Variants in CDC25C observed in about 807,000 individuals in gnomAD.
The protein encoded by CDC25C is cell division cycle 25C, also known as M-phase inducer phosphatase 3.
In CDC25C, 48 loss-of-function variants were observed where a neutral mutation model predicts 52.5. The ratio of observed to expected loss-of-function variants is 0.91; its 90% confidence interval spans 0.72 to 1.16. CDC25C has a LOEUF of 1.16. Among genes scored for constraint, CDC25C ranks in the 50% most tolerant of loss-of-function variants. The pLI, the probability that CDC25C is intolerant of heterozygous loss-of-function variation, is 0.00. For missense variants in CDC25C, 510 were observed against 566.1 expected, an observed-to-expected ratio of 0.90 and a Z score of 1.01; for synonymous variants, 187 against 206.5, an observed-to-expected ratio of 0.91 and a Z score of 0.81.
At chr5:138,329,726 C>CTTTTTTTTTT (rs71574413) in intron 2 of CDC25C, 79 bp from the exon 3 acceptor site, 2 of 293,696 alleles carry the variant, frequency 6.8e-6, no homozygotes, top group African/African-American at 3.6e-5. Context: ...TCATCCTCTT[C>CTTTTTTTTTT]TTTTTTTTTT....
chr5:138,287,370 T>A, intron 10 of CDC25C, 103 bp from the exon 11 acceptor site: 1 of 718,200 alleles, frequency 1.4e-6, no homozygotes, highest in Non-Finnish European at 2.4e-6. Flanking sequence ...CTGTCCACTG[T>A]ATGTCCAGCC....
In CDC25C at chr5:138,285,572, G is replaced by A; in HGVS notation, c.*120C>T. On this transcript the variant is annotated 3_prime_UTR_variant, in exon 14 of 14. Transcript: ENST00000323760. ...AGGCCTGGATACAAGTTGGTAGCCT[G>A]TTGGTTTGCAGAGACATCTTTTAAT... 2 of 912,070 alleles carry A rather than the reference G, an allele frequency of 2.2e-6. No individual in the cohort carries two copies. The highest frequency in any genetic ancestry group is 2.4e-5 in the East Asian group (1 of 41,550). 56.5% of individuals were successfully genotyped at this position (912,070 alleles called of 1,614,324 possible). A position where few individuals can be genotyped will look rare whatever the true frequency, so the allele number is the denominator to read the frequency against.
At chr5:138,314,300 C>CT (rs570387449) in intron 7 of CDC25C, among the ~76,000 whole-genome samples, 2,403 of 138,140 alleles carry the variant, frequency 0.017, 50 homozygotes, top group African/African-American at 0.049. Flanking sequence ...TTCATAGCAC[C>CT]TTTTTTTTTT....
chr5:138,324,228 G>A (rs191877662), intron 6 of CDC25C, among the ~76,000 whole-genome samples: 12 of 150,310 alleles, frequency 8.0e-5, no homozygotes, highest in East Asian at 7.9e-4. Flanking sequence ...CTGAGACTGC[G>A]CCACTGCACT....
At chr5:138,334,512 T>C (rs1760592462), upstream of CDC25C, among the ~76,000 whole-genome samples, 2 of 151,952 alleles carry the variant, frequency 1.3e-5, no homozygotes, top group African/African-American at 4.8e-5. Context: ...CCACCACACC[T>C]GGCTAATTTT....
At chr5:138,290,877 C>T in intron 8 of CDC25C, 137 bp from the exon 9 acceptor site, 1 of 593,714 alleles carries the variant, frequency 1.7e-6, no homozygotes, top group East Asian at 3.0e-5. Flanking sequence ...ATCACTTGAG[C>T]CCAGGAGGCC....
intron 6 of CDC25C, among the ~76,000 whole-genome samples, chr5:138,320,206 GAGGC>G (rs1759249272): frequency 1.3e-5 from 2 of 152,116 alleles, no homozygotes; most frequent in Admixed American, 1.3e-4. Context: ...TTGGGAGGCT[GAGGC>G]AGGAGAACTG....
intron 4 of CDC25C, 32 bp from the exon 5 acceptor site, chr5:138,326,086 A>G: frequency 1.2e-6 from 2 of 1,612,380 alleles, no homozygotes; most frequent in Non-Finnish European, 1.7e-6. Context: ...CTGTCAGGTT[A>G]GTCCCAAATA....
intron 7 of CDC25C, among the ~76,000 whole-genome samples, chr5:138,306,536 C>T (rs941748609): frequency 3.9e-5 from 6 of 151,950 alleles, no homozygotes; most frequent in South Asian, 4.2e-4. Flanking sequence ...AGTGCAGTGG[C>T]GCAATCTCGG....
chr5:138,322,392 T>G (rs1759489987), intron 6 of CDC25C, among the ~76,000 whole-genome samples: 2 of 150,616 alleles, frequency 1.3e-5, no homozygotes, highest in African/African-American at 4.9e-5. Flanking sequence ...CTCTGCCTCC[T>G]GGGTTCAACT....
intron 7 of CDC25C, among the ~76,000 whole-genome samples, chr5:138,302,951 C>T (rs1757744808): frequency 6.6e-6 from 1 of 151,596 alleles, no homozygotes; most frequent in South Asian, 2.1e-4. Flanking sequence ...TGCCTGTAGT[C>T]CCAGCTACTT....
At chr5:138,312,204 C>A (rs1429514322) in intron 7 of CDC25C, among the ~76,000 whole-genome samples, 1 of 151,632 alleles carries the variant, frequency 6.6e-6, no homozygotes, top group Non-Finnish European at 1.5e-5. Context: ...GGGTATATAC[C>A]CTAAAGAACT....
Position 138,329,645 on chromosome 5 carries a change from C to A in CDC25C, c.197G>T (p.Gly66Val). The A allele has an allele frequency of 1.3e-6, 2 of 1,594,798 alleles. No homozygotes were observed. The highest frequency in any genetic ancestry group is 1.7e-6 in the Non-Finnish European group (2 of 1,163,288). The change falls in exon 3 of 14, where the codon GGA becomes GTA. Residue 66 changes from glycine (G) to valine (V), a missense_variant and splice_region_variant. Transcript: ENST00000323760. The stretch of plus-strand genomic sequence containing the variant: ...AAGATCGAGGCAACGTTTTGGGGTT[C>A]CTCTGTTGAGACATAATAGTACATC... ...DSANLSILSGGTPKRCLDLSN... is the reference protein window; with the variant it reads ...DSANLSILSGVTPKRCLDLSN...
upstream of CDC25C, among the ~76,000 whole-genome samples, chr5:138,334,069 G>T (rs1226632140): frequency 6.6e-6 from 1 of 152,064 alleles, no homozygotes; most frequent in Non-Finnish European, 1.5e-5. Context: ...GAGTAGCTGG[G>T]ACTACAGGTG....
intron 7 of CDC25C, among the ~76,000 whole-genome samples, chr5:138,318,969 G>A (rs986169491): frequency 1.3e-5 from 2 of 152,192 alleles, no homozygotes; most frequent in African/African-American, 4.8e-5. Flanking sequence ...ACTCAAGGCT[G>A]CAACCAACTG....
intron 7 of CDC25C, among the ~76,000 whole-genome samples, chr5:138,308,535 C>A (rs561307394): frequency 6.6e-6 from 1 of 151,818 alleles, no homozygotes; most frequent in Admixed American, 6.6e-5. Flanking sequence ...CTCTTTTTTT[C>A]GGAAGCCCTA....
At chr5:138,291,419 CT>C (rs572826668) in intron 8 of CDC25C, among the ~76,000 whole-genome samples, 269 of 138,784 alleles carry the variant, frequency 1.9e-3, no homozygotes, top group East Asian at 0.011. Context: ...CAACATTTCT[CT>C]TTTTTTTTTT....
rs760253163 is a variant in CDC25C at position 138,291,998 on chromosome 5, T to C, written c.734A>G (p.Tyr245Cys). ...NTIPDKVKKK[Y>C]FSGQGKLRKG... ...CCTGAGCTTTCCTTGGCCAGAAAAA[T>C]ACTTTTTTTTAACTTTATCTGGTAT... The change falls in exon 8 of 14, where the codon TAT (tyrosine) becomes TGT (cysteine). Residue 245 changes from tyrosine (Y) to cysteine (C), a missense_variant. By Grantham distance (194) the Tyr-to-Cys change is radical (BLOSUM62 -2). Transcript: ENST00000323760. The C allele has an allele frequency of 4.1e-5, 66 of 1,609,376 alleles. No homozygotes were observed. The highest frequency in any genetic ancestry group is 3.8e-5 in the Non-Finnish European group (45 of 1,177,720).
At chr5:138,335,894 A>G (rs1358977124), upstream of CDC25C, among the ~76,000 whole-genome samples, 4 of 151,562 alleles carry the variant, frequency 2.6e-5, no homozygotes, top group Non-Finnish European at 5.9e-5. Flanking sequence ...TATTAATTTA[A>G]TTAATAATAA....
Sources: gnomAD v4.1 joint callset for allele counts (sites outside exome capture counted in the v4.1 genomes callset) on GRCh38, gnomAD v4.1.1 for gene constraint, MANE v1.5 for transcripts, NCBI Gene and HGNC (gene_info 2026-07-23, HGNC 2026-07-21) for gene names.